The following PPP3CA variants were observed in gnomAD, a reference collection of about 807,000 sequenced individuals.
PPP3CA encodes the protein protein phosphatase 3 catalytic subunit alpha.
PPP3CA carries 14 observed loss-of-function variants against 66.5 expected under a neutral mutation model. The ratio of observed to expected loss-of-function variants is 0.21; its 90% CI spans 0.14 to 0.33. The LOEUF is 0.33. Among genes scored for constraint, PPP3CA ranks in the 10% least tolerant of loss-of-function variants. PPP3CA has a pLI of 1.00. For missense variants in PPP3CA, 317 were observed against 639.5 expected, an observed-to-expected ratio of 0.50 and a Z score of 5.44; for synonymous variants, 232 against 226.2, an observed-to-expected ratio of 1.03 and a Z score of -0.23.
At chr4:101,212,424 G>C (rs868085848) in intron 1 of PPP3CA, among the ~76,000 whole-genome samples, 71 of 152,232 alleles carry the variant, frequency 4.7e-4, no homozygotes, top group African/African-American at 1.7e-3. Context: ...AGAACACATG[G>C]TTAAATGTGC....
chr4:101,161,652 T>C (rs1578508421), intron 2 of PPP3CA, among the ~76,000 whole-genome samples: 1 of 152,282 alleles, frequency 6.6e-6, no homozygotes, highest in East Asian at 1.9e-4. Context: ...AAAATCTCTT[T>C]TTAACACATA....
chr4:101,181,788 A>T (rs1281582868), intron 2 of PPP3CA, among the ~76,000 whole-genome samples: 1 of 152,154 alleles, frequency 6.6e-6, no homozygotes, highest in Non-Finnish European at 1.5e-5. Context: ...TCACATCTTT[A>T]GATAAGAAAT....
At chr4:101,282,506 A>G (rs1027177686) in intron 1 of PPP3CA, among the ~76,000 whole-genome samples, 1 of 152,098 alleles carries the variant, frequency 6.6e-6, no homozygotes, top group Non-Finnish European at 1.5e-5. Context: ...CCTGGATTGG[A>G]CTGATCTCAG....
chr4:101,184,825 A>G (rs1270138175), intron 2 of PPP3CA, among the ~76,000 whole-genome samples: 1 of 152,242 alleles, frequency 6.6e-6, no homozygotes, highest in Middle Eastern at 3.4e-3. Flanking sequence ...ACCATTCTTT[A>G]GCACTTGGAG....
At chr4:101,167,498 GAA>G (rs1257628982) in intron 2 of PPP3CA, among the ~76,000 whole-genome samples, 3 of 151,974 alleles carry the variant, frequency 2.0e-5, no homozygotes, top group Non-Finnish European at 2.9e-5. Context: ...ATAGGGCAAT[GAA>G]AAAAAGAGTT....
chr4:101,027,234 C>T (rs1383870638), intron 13 of PPP3CA, among the ~76,000 whole-genome samples: 2 of 150,938 alleles, frequency 1.3e-5, no homozygotes, highest in Admixed American at 6.6e-5. Flanking sequence ...TTCATGGTAC[C>T]TTTATCCTCC....
chr4:101,259,315 C>A lies in PPP3CA; in HGVS notation c.59-63199G>T, dbSNP rs533538069. On this transcript the variant is annotated intron_variant, in intron 1 of 13. Transcript: ENST00000394854. ...TTTCAATTTCATGGTTTTCTTCCTC[C>A]TTTCCCAGTTGACAGGAAGGCAATC... Among the ~76,000 whole-genome samples, 6 of 150,192 alleles carry A rather than the reference C, an allele frequency of 4.0e-5. No individual in the cohort carries two copies. The South Asian group carries it at 1.3e-3, about 32-fold the overall frequency.
intron 2 of PPP3CA, among the ~76,000 whole-genome samples, chr4:101,192,850 CTA>C (rs1724652556): frequency 6.6e-6 from 1 of 152,130 alleles, no homozygotes; most frequent in Non-Finnish European, 1.5e-5. Flanking sequence ...CTTGGATATT[CTA>C]TGTCTCATAT....
intron 9 of PPP3CA, 87 bp downstream of exon 9, chr4:101,063,144 CA>C: frequency 1.4e-6 from 2 of 1,458,472 alleles, no homozygotes; most frequent in Middle Eastern, 1.8e-4. Context: ...TTGGCTGGGC[CA>C]AAGTTCTTCT....
chr4:101,309,525 T>A (rs1482314984), intron 1 of PPP3CA, among the ~76,000 whole-genome samples: 2 of 152,144 alleles, frequency 1.3e-5, no homozygotes, highest in Admixed American at 1.3e-4. Context: ...CACAGTTCCA[T>A]AAACTCATCT....
chr4:101,338,731 A>C (rs1005949231), intron 1 of PPP3CA, among the ~76,000 whole-genome samples: 5 of 152,214 alleles, frequency 3.3e-5, no homozygotes, highest in Non-Finnish European at 1.5e-5. Context: ...AAAGAAGAGA[A>C]CTGAATGATC....
intron 1 of PPP3CA, among the ~76,000 whole-genome samples, chr4:101,269,576 G>A: frequency 9.1e-6 from 1 of 109,434 alleles, no homozygotes; most frequent in South Asian, 4.0e-4. Context: ...GTGTGTGTGT[G>A]TGTGTGTGTG....
chr4:101,149,512 T>G (rs141079466), intron 2 of PPP3CA, among the ~76,000 whole-genome samples: 1 of 152,298 alleles, frequency 6.6e-6, no homozygotes, highest in African/African-American at 2.4e-5. Flanking sequence ...AGAATAAGTT[T>G]GATATCAGAA....
At chr4:101,166,656 G>T (rs1723702786) in intron 2 of PPP3CA, among the ~76,000 whole-genome samples, 1 of 152,066 alleles carries the variant, frequency 6.6e-6, no homozygotes, top group Non-Finnish European at 1.5e-5. Context: ...TGTTAATTTG[G>T]ATTTTCATAT....
chr4:101,216,653 T>C (rs1313235158), intron 1 of PPP3CA, among the ~76,000 whole-genome samples: 1 of 152,124 alleles, frequency 6.6e-6, no homozygotes, highest in Non-Finnish European at 1.5e-5. Context: ...TCCTCCCACC[T>C]CAGCCTCCTG....
intron 1 of PPP3CA, among the ~76,000 whole-genome samples, chr4:101,232,158 TA>T (rs1351310453): frequency 6.6e-6 from 1 of 151,672 alleles, no homozygotes; most frequent in Non-Finnish European, 1.5e-5. Flanking sequence ...ATACCTAATT[TA>T]ATCTTACTGC....
intron 1 of PPP3CA, among the ~76,000 whole-genome samples, chr4:101,245,539 C>A (rs1726449854): frequency 6.6e-6 from 1 of 152,128 alleles, no homozygotes; most frequent in African/African-American, 2.4e-5. Context: ...TCACCCCAGA[C>A]CGGACTGTCA....
intron 6 of PPP3CA, among the ~76,000 whole-genome samples, chr4:101,089,815 A>C (rs569203512): frequency 6.6e-6 from 1 of 152,306 alleles, no homozygotes; most frequent in Admixed American, 6.5e-5. Context: ...CATTGGGGCA[A>C]AATCATAGAT....
intron 1 of PPP3CA, among the ~76,000 whole-genome samples, chr4:101,196,369 A>T (rs1724793005): frequency 6.6e-6 from 1 of 152,188 alleles, no homozygotes; most frequent in African/African-American, 2.4e-5. Context: ...TGCATCTATA[A>T]TATCCTGATT....
Sources: allele counts gnomAD v4.1 joint callset (sites outside exome capture counted in the v4.1 genomes callset), GRCh38; gene constraint gnomAD v4.1.1; transcripts MANE v1.5; gene names NCBI Gene and HGNC (gene_info 2026-07-23, HGNC 2026-07-21).